Variants in NCKAP5 observed in about 807,000 individuals in gnomAD.
NCKAP5 encodes nck-associated protein 5.
Under a neutral mutation model 167.0 loss-of-function variants are expected in NCKAP5, and 92 were observed. The observed-to-expected ratio is 0.55, with a 90% CI of 0.47 to 0.66. NCKAP5 has a LOEUF of 0.66. Among genes scored for constraint, NCKAP5 ranks in the 30% least tolerant of loss-of-function variants. The pLI is 0.00. For synonymous variants in NCKAP5, 891 were observed against 877.4 expected (o/e 1.02, Z -0.27); for missense variants, 2,378 against 2,315.0 (o/e 1.03, Z -0.56).
chr2:133,661,907 T>C, the NCKAP5 span, among the ~76,000 whole-genome samples: 7 of 152,218 alleles, frequency 4.6e-5, no homozygotes, highest in Non-Finnish European at 8.8e-5. Context: ...ATAGAATAGA[T>C]AAACATCTGG....
At chr2:133,028,575 G>C (rs922511160) in intron 6 of NCKAP5, among the ~76,000 whole-genome samples, 2 of 152,204 alleles carry the variant, frequency 1.3e-5, no homozygotes, top group African/African-American at 4.8e-5. Context: ...CAAGGTAGGA[G>C]TACACTATTT....
chr2:133,632,664 C>A, the NCKAP5 span, among the ~76,000 whole-genome samples: 1 of 152,168 alleles, frequency 6.6e-6, no homozygotes. Context: ...CAGAGATGGA[C>A]CATCTCCTCC....
At chr2:133,489,010 G>A (rs893839914) in intron 3 of NCKAP5, among the ~76,000 whole-genome samples, 2 of 152,138 alleles carry the variant, frequency 1.3e-5, no homozygotes, top group African/African-American at 4.8e-5. Context: ...GATCATTTGA[G>A]ACTAGGAGTT....
chr2:133,106,052 G>A (rs2081677811), intron 6 of NCKAP5, among the ~76,000 whole-genome samples: 2 of 151,928 alleles, frequency 1.3e-5, no homozygotes, highest in Non-Finnish European at 1.5e-5. Context: ...GAAAACTTCT[G>A]GGAGGTCGAG....
At chr2:132,860,169 A>G (rs1420510010) in intron 11 of NCKAP5, among the ~76,000 whole-genome samples, 1 of 152,218 alleles carries the variant, frequency 6.6e-6, no homozygotes, top group Non-Finnish European at 1.5e-5. Context: ...CACAGTATGC[A>G]AGATTACTAA....
chr2:133,119,370 C>A (rs557066290), intron 6 of NCKAP5, among the ~76,000 whole-genome samples: 1 of 152,240 alleles, frequency 6.6e-6, no homozygotes, highest in Admixed American at 6.5e-5. Flanking sequence ...TAGGTGCAAT[C>A]TCAGCAGGGT....
intron 4 of NCKAP5, among the ~76,000 whole-genome samples, chr2:133,281,814 T>C (rs2089946419): frequency 6.6e-6 from 1 of 152,198 alleles, no homozygotes; most frequent in African/African-American, 2.4e-5. Context: ...ACTCTGCTCA[T>C]GGTAATCATT....
intron 3 of NCKAP5, among the ~76,000 whole-genome samples, chr2:133,450,136 C>T (rs72846368): frequency 0.066 from 9,584 of 144,346 alleles, 373 homozygotes; most frequent in African/African-American, 0.086. Context: ...CACACACACG[C>T]GCGTGCGTGC....
intron 19 of NCKAP5, among the ~76,000 whole-genome samples, chr2:132,712,007 C>G (rs1688890913): frequency 1.3e-5 from 2 of 152,220 alleles, no homozygotes; most frequent in African/African-American, 4.8e-5. Flanking sequence ...CTCAGGTTTA[C>G]AAATCTAGGC....
chr2:133,072,575 A>C (rs2080453780), intron 6 of NCKAP5, among the ~76,000 whole-genome samples: 1 of 152,202 alleles, frequency 6.6e-6, no homozygotes, highest in Admixed American at 6.5e-5. Flanking sequence ...GAGTTCTTCA[A>C]GAGTCCCAAC....
At chr2:132,730,979 C>T (rs1435511498) in intron 17 of NCKAP5, among the ~76,000 whole-genome samples, 3 of 152,218 alleles carry the variant, frequency 2.0e-5, no homozygotes, top group South Asian at 2.1e-4. Context: ...ATAGCATAAT[C>T]TCCACTTGCA....
At chr2:133,554,139 C>T (rs141427560) in intron 2 of NCKAP5, among the ~76,000 whole-genome samples, 1 of 152,300 alleles carries the variant, frequency 6.6e-6, no homozygotes, top group Admixed American at 6.5e-5. Context: ...AGTTTCTGAC[C>T]TGTAGATAAT....
chr2:133,462,814 G>A (rs1423824231), intron 3 of NCKAP5, among the ~76,000 whole-genome samples: 1 of 152,164 alleles, frequency 6.6e-6, no homozygotes, highest in Non-Finnish European at 1.5e-5. Context: ...AAGCATAAGA[G>A]CATGAATATG....
chr2:133,666,328 T>A, the NCKAP5 span, among the ~76,000 whole-genome samples: 2 of 151,450 alleles, frequency 1.3e-5, no homozygotes, highest in Non-Finnish European at 1.5e-5. Flanking sequence ...CTCTCGAGTA[T>A]CTGGGATTAC....
chr2:133,353,867 C>T (rs576549859), intron 3 of NCKAP5, among the ~76,000 whole-genome samples: 20 of 152,318 alleles, frequency 1.3e-4, no homozygotes, highest in Admixed American at 4.6e-4. Flanking sequence ...GCTACCTCCA[C>T]CACTCAGTAA....
At chr2:133,054,482 C>G (rs1050408437) in intron 6 of NCKAP5, among the ~76,000 whole-genome samples, 1 of 152,136 alleles carries the variant, frequency 6.6e-6, no homozygotes, top group East Asian at 1.9e-4. Context: ...CAAGAGGGAG[C>G]CTGGGAGAAG....
At chr2:132,761,622 G>T (rs1231576663) in intron 16 of NCKAP5, among the ~76,000 whole-genome samples, 1 of 152,192 alleles carries the variant, frequency 6.6e-6, no homozygotes, top group Non-Finnish European at 1.5e-5. Context: ...TTCTAATTTG[G>T]CATATTGCCA....
At chr2:133,550,208 A>C in intron 2 of NCKAP5, among the ~76,000 whole-genome samples, 1 of 143,006 alleles carries the variant, frequency 7.0e-6, no homozygotes, top group Non-Finnish European at 1.5e-5. Flanking sequence ...AACTATTCCA[A>C]TCAATAGAAA....
intron 19 of NCKAP5, among the ~76,000 whole-genome samples, chr2:132,677,134 C>T (rs1470975035): frequency 1.3e-5 from 2 of 152,068 alleles, no homozygotes; most frequent in African/African-American, 4.8e-5. Context: ...TGTTGTGCTT[C>T]ATCAGAATTA....
Sources: gnomAD v4.1 joint callset for allele counts (sites outside exome capture counted in the v4.1 genomes callset) on GRCh38, gnomAD v4.1.1 for gene constraint, MANE v1.5 for transcripts, NCBI Gene and HGNC (gene_info 2026-07-23, HGNC 2026-07-21) for gene names.